Variants in NYAP2 observed in about 807,000 individuals in gnomAD.
NYAP2 encodes neuronal tyrosine-phosphorylated phosphoinositide-3-kinase adaptor 2, also known as neuronal tyrosine-phosphorylated phosphoinositide-3-kinase adapter 2.
A neutral mutation model predicts 50.4 loss-of-function variants in NYAP2; 23 were observed. The observed-to-expected ratio is 0.46, with a 90% CI of 0.33 to 0.65. The LOEUF (loss-of-function observed/expected upper bound fraction) is 0.65. Among genes scored for constraint, NYAP2 ranks in the 30% least tolerant of loss-of-function variants. The pLI is 0.02. For missense variants in NYAP2, 885 were observed against 861.0 expected (o/e 1.03, Z -0.35); for synonymous variants, 394 against 365.2 (o/e 1.08, Z -0.90).
intron 5 of NYAP2, among the ~76,000 whole-genome samples, chr2:225,597,512 A>AATATAT: frequency 0.017 from 795 of 46,196 alleles, 218 homozygotes; most frequent in Admixed American, 0.029. Context: ...TCCAAGGAGA[A>AATATAT]ATATATATAT....
the NYAP2 span, among the ~76,000 whole-genome samples, chr2:225,672,985 T>TGTTTTA: frequency 1.3e-5 from 2 of 151,808 alleles, no homozygotes; most frequent in Non-Finnish European, 2.9e-5. Context: ...GTTCTCACAC[T>TGTTTTA]GTTAATAAAA....
chr2:225,486,471 G>C (rs1559193156), intron 3 of NYAP2, among the ~76,000 whole-genome samples: 1 of 152,166 alleles, frequency 6.6e-6, no homozygotes, highest in Non-Finnish European at 1.5e-5. Flanking sequence ...CCCAGTGTGA[G>C]GAGCAGGCAG....
intron 3 of NYAP2, among the ~76,000 whole-genome samples, chr2:225,413,651 G>A (rs147860114): frequency 3.5e-4 from 53 of 152,182 alleles, no homozygotes; most frequent in African/African-American, 1.2e-3. Context: ...TGGCATTTTG[G>A]GATTCCAGGG....
chr2:225,680,540 G>A, the NYAP2 span, among the ~76,000 whole-genome samples: 3 of 152,106 alleles, frequency 2.0e-5, no homozygotes, highest in African/African-American at 7.2e-5. Flanking sequence ...AGAAAACCTT[G>A]TAAAGATAGT....
At chr2:225,694,504 TCAA>T in the NYAP2 span, among the ~76,000 whole-genome samples, 1 of 151,894 alleles carries the variant, frequency 6.6e-6, no homozygotes, top group South Asian at 2.1e-4. Flanking sequence ...TTTGGGGGAC[TCAA>T]CGATGGAAAT....
intron 3 of NYAP2, among the ~76,000 whole-genome samples, chr2:225,466,056 GA>G (rs1343028792): frequency 6.6e-6 from 1 of 152,190 alleles, no homozygotes; most frequent in Non-Finnish European, 1.5e-5. Context: ...CTGGCAGCCG[GA>G]ACCAGCCACG....
At chr2:225,528,891 T>G (rs1013083501) in intron 4 of NYAP2, among the ~76,000 whole-genome samples, 1 of 152,192 alleles carries the variant, frequency 6.6e-6, no homozygotes, top group Admixed American at 6.6e-5. Context: ...ATTGCAACAA[T>G]TGCATCAATT....
At chr2:225,398,643 A>AGG (rs1184152713), upstream of NYAP2, among the ~76,000 whole-genome samples, 1 of 151,140 alleles carries the variant, frequency 6.6e-6, no homozygotes, top group Non-Finnish European at 1.5e-5. Context: ...AGAGAGAGAG[A>AGG]GGGAAAGGGA....
At chr2:225,440,477 G>C (rs1440368195) in intron 3 of NYAP2, among the ~76,000 whole-genome samples, 51 of 152,168 alleles carry the variant, frequency 3.4e-4, no homozygotes, top group Non-Finnish European at 2.2e-4. Context: ...CCTTGGAGAA[G>C]CATTGTGGTT....
intron 6 of NYAP2, among the ~76,000 whole-genome samples, chr2:225,638,132 A>T: frequency 2.0e-5 from 3 of 151,100 alleles, no homozygotes; most frequent in South Asian, 4.2e-4. Flanking sequence ...GATATTAGAG[A>T]GAATTTTAAA....
intron 4 of NYAP2, among the ~76,000 whole-genome samples, chr2:225,535,057 A>G (rs1333872424): frequency 2.0e-5 from 3 of 152,224 alleles, no homozygotes; most frequent in Non-Finnish European, 4.4e-5. Context: ...ACTGCACTAC[A>G]TAATGGCCTG....
chr2:225,647,223 T>C (rs557902758), intron 6 of NYAP2, among the ~76,000 whole-genome samples: 3 of 152,336 alleles, frequency 2.0e-5, no homozygotes, highest in African/African-American at 7.2e-5. Flanking sequence ...TATGGAAACA[T>C]TGGCTTATTA....
intron 3 of NYAP2, among the ~76,000 whole-genome samples, chr2:225,458,214 A>G (rs1048921038): frequency 5.3e-5 from 8 of 152,078 alleles, no homozygotes; most frequent in African/African-American, 1.9e-4. Context: ...TGCGTACTAC[A>G]GGTGGCAAAC....
At chr2:225,446,829 G>A (rs1259077388) in intron 3 of NYAP2, among the ~76,000 whole-genome samples, 1 of 152,048 alleles carries the variant, frequency 6.6e-6, no homozygotes, top group East Asian at 1.9e-4. Context: ...AAGACAATGA[G>A]CCCAAATAGA....
At chr2:225,477,360 C>T (rs1263241201) in intron 3 of NYAP2, among the ~76,000 whole-genome samples, 1 of 151,316 alleles carries the variant, frequency 6.6e-6, no homozygotes, top group Non-Finnish European at 1.5e-5. Context: ...CCTCAGCCTC[C>T]CGAGTAGCTG....
chr2:225,450,857 G>A (rs903329509), intron 3 of NYAP2, among the ~76,000 whole-genome samples: 34 of 152,162 alleles, frequency 2.2e-4, no homozygotes, highest in African/African-American at 8.2e-4. Context: ...AGTCCTGATG[G>A]CCCTGCCTTG....
chr2:225,516,696 A>G (rs1052310753), intron 4 of NYAP2, among the ~76,000 whole-genome samples: 1 of 152,202 alleles, frequency 6.6e-6, no homozygotes, highest in Non-Finnish European at 1.5e-5. Flanking sequence ...GCATGTGTAT[A>G]TATATGTGTA....
At chr2:225,497,994 T>C (rs2106175534) in intron 3 of NYAP2, among the ~76,000 whole-genome samples, 1 of 152,314 alleles carries the variant, frequency 6.6e-6, no homozygotes, top group Middle Eastern at 3.4e-3. Flanking sequence ...AAAAAGATTT[T>C]GGTCTTCTAG....
At chr2:225,446,043 T>TGGTA (rs1449874776) in intron 3 of NYAP2, among the ~76,000 whole-genome samples, 1 of 151,676 alleles carries the variant, frequency 6.6e-6, no homozygotes, top group African/African-American at 2.4e-5. Context: ...TGGAGAGGTG[T>TGGTA]GGTAGTTCAA....
Sources: gnomAD v4.1 joint callset for allele counts (sites outside exome capture counted in the v4.1 genomes callset) on GRCh38, gnomAD v4.1.1 for gene constraint, MANE v1.5 for transcripts, NCBI Gene and HGNC (gene_info 2026-07-23, HGNC 2026-07-21) for gene names.